The following ADAMTS18 variants were observed in gnomAD, a reference collection of about 807,000 sequenced individuals.
The protein encoded by ADAMTS18 is ADAM metallopeptidase with thrombospondin type 1 motif 18, also known as A disintegrin and metalloproteinase with thrombospondin motifs 18.
A neutral mutation model predicts 165.9 loss-of-function variants in ADAMTS18; 157 were observed. The ratio of observed to expected loss-of-function variants is 0.95; its 90% CI spans 0.83 to 1.08. The LOEUF is 1.08. ADAMTS18 is among the 50% of genes least tolerant of loss of function. The probability of loss-of-function intolerance (pLI) is 0.00; values close to 1 mark genes in which losing one functional copy is unlikely to be tolerated. For synonymous variants in ADAMTS18, 782 were observed against 578.2 expected (o/e 1.35, Z -5.06); for missense variants, 2,040 against 1,534.0 (o/e 1.33, Z -5.51).
intron 10 of ADAMTS18, 33 bp downstream of exon 10, chr16:77,353,700 T>C: frequency 6.2e-7 from 1 of 1,614,118 alleles, no homozygotes; most frequent in Non-Finnish European, 8.5e-7. Flanking sequence ...TTGCAGAGTC[T>C]TAATGTAAGT....
chr16:77,322,079 C>G (rs1470195287), intron 14 of ADAMTS18, among the ~76,000 whole-genome samples: 3 of 147,820 alleles, frequency 2.0e-5, no homozygotes, highest in Admixed American at 7.0e-5. Context: ...CACTTGAACC[C>G]AGGAGGCAGA....
intron 10 of ADAMTS18, among the ~76,000 whole-genome samples, chr16:77,342,737 G>A (rs1340214555): frequency 1.3e-5 from 2 of 152,236 alleles, no homozygotes; most frequent in Non-Finnish European, 2.9e-5. Context: ...CTGGGATCCT[G>A]TGAATATGTG....
At chr16:77,308,580 A>G (rs1312125180) in intron 16 of ADAMTS18, among the ~76,000 whole-genome samples, 2 of 2,160 alleles carry the variant, frequency 9.3e-4, no homozygotes, top group Non-Finnish European at 1.9e-3. Context: ...CTAATCATGA[A>G]AAAAAAAAAA....
chr16:77,415,559 G>T (rs992804799), intron 3 of ADAMTS18, among the ~76,000 whole-genome samples: 1 of 151,920 alleles, frequency 6.6e-6, no homozygotes, highest in East Asian at 1.9e-4. Context: ...GTTTATTTCT[G>T]AACCAACTAC....
intron 7 of ADAMTS18, among the ~76,000 whole-genome samples, chr16:77,359,915 T>C (rs1186591488): frequency 6.6e-6 from 1 of 152,200 alleles, no homozygotes; most frequent in Non-Finnish European, 1.5e-5. Flanking sequence ...CTAAGCAACA[T>C]GTGCAGATTA....
chr16:77,333,202 C>A (rs1398506384), intron 12 of ADAMTS18, among the ~76,000 whole-genome samples: 2 of 152,104 alleles, frequency 1.3e-5, no homozygotes, highest in African/African-American at 4.8e-5. Flanking sequence ...CCTCGGTGCA[C>A]ATGGACTTTA....
chr16:77,370,615 T>A, intron 3 of ADAMTS18, among the ~76,000 whole-genome samples: 1 of 151,996 alleles, frequency 6.6e-6, no homozygotes, highest in East Asian at 1.9e-4. Flanking sequence ...CCGGGCATGA[T>A]GGTGGGCATC....
chr16:77,325,122 A>C (rs2056069963), intron 13 of ADAMTS18, among the ~76,000 whole-genome samples: 1 of 152,198 alleles, frequency 6.6e-6, no homozygotes, highest in Admixed American at 6.5e-5. Context: ...CATTAAACTT[A>C]GTCTCTTTCC....
intron 3 of ADAMTS18, among the ~76,000 whole-genome samples, chr16:77,376,476 C>T (rs1324123389): frequency 6.6e-6 from 1 of 152,130 alleles, no homozygotes; most frequent in Non-Finnish European, 1.5e-5. Flanking sequence ...GGAAGAGCTG[C>T]CCCAACTCTC....
chr16:77,344,757 C>G (rs992008092), intron 10 of ADAMTS18, among the ~76,000 whole-genome samples: 1 of 151,450 alleles, frequency 6.6e-6, no homozygotes, highest in Non-Finnish European at 1.5e-5. Flanking sequence ...AAAAAAAACA[C>G]AGGGATTCCA....
intron 3 of ADAMTS18, 108 bp downstream of exon 3, chr16:77,431,187 G>A: frequency 8.6e-7 from 1 of 1,169,178 alleles, no homozygotes; most frequent in African/African-American, 1.5e-5. Context: ...GGCTGACAGT[G>A]TGAATGTGTG....
intron 10 of ADAMTS18, among the ~76,000 whole-genome samples, chr16:77,344,941 C>A (rs940846291): frequency 3.3e-5 from 5 of 152,046 alleles, no homozygotes; most frequent in Admixed American, 6.6e-5. Context: ...GTACCTCCCC[C>A]CTCTTTTTAC....
At chr16:77,359,484 G>C (rs1209104280) in intron 7 of ADAMTS18, 61 bp from the exon 8 acceptor site, 2 of 1,369,324 alleles carry the variant, frequency 1.5e-6, no homozygotes, top group African/African-American at 1.4e-5. Context: ...ACATGATGAT[G>C]ATTTATGTCC....
chr16:77,301,445 ACTC>A (rs1156394309), intron 16 of ADAMTS18, among the ~76,000 whole-genome samples: 3 of 151,874 alleles, frequency 2.0e-5, no homozygotes, highest in Admixed American at 1.3e-4. Context: ...CCTCTTAACT[ACTC>A]CTCTTTCTTC....
chr16:77,365,422 A>G (rs2056778824), intron 4 of ADAMTS18, among the ~76,000 whole-genome samples: 1 of 152,238 alleles, frequency 6.6e-6, no homozygotes, highest in African/African-American at 2.4e-5. Context: ...CTCTCATTTC[A>G]TCAACACAGA....
At chr16:77,314,555 T>G (rs2055845026) in intron 16 of ADAMTS18, among the ~76,000 whole-genome samples, 1 of 147,330 alleles carries the variant, frequency 6.8e-6, no homozygotes, top group Non-Finnish European at 1.5e-5. Context: ...GAGGTTGCAG[T>G]GAGCCAAGAT....
chr16:77,354,759 T>C (rs2056603755), intron 9 of ADAMTS18, among the ~76,000 whole-genome samples: 1 of 152,230 alleles, frequency 6.6e-6, no homozygotes, highest in Non-Finnish European at 1.5e-5. Flanking sequence ...CAAAGTTAGC[T>C]GCTGCTGTTA....
intron 22 of ADAMTS18, among the ~76,000 whole-genome samples, chr16:77,285,873 C>T (rs1188294223): frequency 6.6e-6 from 1 of 152,182 alleles, no homozygotes; most frequent in Non-Finnish European, 1.5e-5. Context: ...GAACCTCCTC[C>T]AACCGCTTCC....
At chr16:77,284,111 T>A in intron 22 of ADAMTS18, 40 bp from the exon 23 acceptor site, 2 of 1,400,836 alleles carry the variant, frequency 1.4e-6, no homozygotes, top group Non-Finnish European at 2.0e-6. Flanking sequence ...GGCTAGGGTG[T>A]CTATCCTTTT....
Sources: gnomAD v4.1 joint callset for allele counts (sites outside exome capture counted in the v4.1 genomes callset) on GRCh38, gnomAD v4.1.1 for gene constraint, MANE v1.5 for transcripts, NCBI Gene and HGNC (gene_info 2026-07-23, HGNC 2026-07-21) for gene names.